The following SEPTIN6 variants were observed in gnomAD, a reference collection of about 807,000 sequenced individuals.
SEPTIN6 encodes the protein septin 6, also known as septin-6.
A neutral mutation model predicts 33.6 loss-of-function variants in SEPTIN6; 8 were observed. The ratio of observed to expected loss-of-function variants is 0.24; its 90% confidence interval spans 0.14 to 0.43. SEPTIN6 has a LOEUF of 0.43. SEPTIN6 is among the 20% of genes least tolerant of loss of function. The pLI, the probability that SEPTIN6 is intolerant of heterozygous loss-of-function variation, is 1.00. For synonymous variants in SEPTIN6, 131 were observed against 140.0 expected (o/e 0.94, Z 0.45); for missense variants, 250 against 340.8 (o/e 0.73, Z 2.10).
At chrX:119,627,791 C>CTTTTTT (rs973249197) in intron 9 of SEPTIN6, among the ~76,000 whole-genome samples, 1 of 73,674 alleles carries the variant, frequency 1.4e-5, no homozygotes, top group African/African-American at 5.0e-5. Flanking sequence ...ATCTGCACTT[C>CTTTTTT]TTTTTTTTTT....
intron 9 of SEPTIN6, among the ~76,000 whole-genome samples, chrX:119,627,955 C>T (rs1472734194): frequency 1.9e-5 from 2 of 107,022 alleles, no homozygotes; most frequent in East Asian, 2.9e-4. Flanking sequence ...CACGCCACCA[C>T]GCCTGGCTAA....
At chrX:119,678,518 C>CA (rs369089822) in intron 1 of SEPTIN6, among the ~76,000 whole-genome samples, 2,285 of 92,995 alleles carry the variant, frequency 0.025, 74 homozygotes, top group African/African-American at 0.082. Flanking sequence ...GACTCCGTCT[C>CA]AAAAAAAAAA....
chrX:119,688,604 G>A (rs1349400230), intron 1 of SEPTIN6, among the ~76,000 whole-genome samples: 1 of 108,694 alleles, frequency 9.2e-6, no homozygotes, highest in Non-Finnish European at 1.9e-5. Flanking sequence ...CTACTCGGGA[G>A]GCTGAGGCAG....
At chrX:119,666,450 G>A (rs2054640826) in intron 2 of SEPTIN6, among the ~76,000 whole-genome samples, 1 of 112,269 alleles carries the variant, frequency 8.9e-6, no homozygotes, top group South Asian at 3.7e-4. Context: ...AATGAGCTAT[G>A]AATGCAGGAG....
At chrX:119,641,617 G>T (rs895438590) in intron 5 of SEPTIN6, among the ~76,000 whole-genome samples, 2 of 112,068 alleles carry the variant, frequency 1.8e-5, no homozygotes, top group African/African-American at 6.5e-5. Flanking sequence ...GGACAAATAG[G>T]TTTATGAGCT....
At chrX:119,690,521 G>A (rs1257297478) in intron 1 of SEPTIN6, among the ~76,000 whole-genome samples, 3 of 108,366 alleles carry the variant, frequency 2.8e-5, no homozygotes, top group Non-Finnish European at 3.8e-5. Context: ...TCAGGAGTTC[G>A]AGACCAGCCT....
intron 1 of SEPTIN6, among the ~76,000 whole-genome samples, chrX:119,691,606 A>G (rs1286903776): frequency 8.9e-6 from 1 of 111,783 alleles, no homozygotes; most frequent in Non-Finnish European, 1.9e-5. Context: ...TAGGGTGTGC[A>G]GGGGGTGGAG....
intron 1 of SEPTIN6, among the ~76,000 whole-genome samples, chrX:119,677,194 C>T (rs1209265516): frequency 8.9e-6 from 1 of 111,864 alleles, no homozygotes; most frequent in African/African-American, 3.2e-5. Flanking sequence ...CCCTAAGGGT[C>T]AGCCAAGCCA....
chrX:119,625,460 G>C (rs1232979618), intron 9 of SEPTIN6, 81 bp from the exon 10 acceptor site: 3 of 940,169 alleles, frequency 3.2e-6, no homozygotes, highest in South Asian at 4.0e-5. Context: ...AACAATGAAG[G>C]GTTAGAGGTC....
intron 10 of SEPTIN6, chrX:119,624,144 G>GTTTTTTTTTTTTT: frequency 4.7e-6 from 1 of 211,641 alleles, no homozygotes; most frequent in Non-Finnish European, 8.7e-6. Context: ...TTTATTATGG[G>GTTTTTTTTTTTTT]TTTTTTTTTT....
In SEPTIN6 at chrX:119,618,165, A is replaced by ATTTTT. The variant is rs57766875; in HGVS notation, c.*1923_*1927dup. ...AGCTACTGGCTGAGTATCTGAGCAG[A>ATTTTT]TTTTTTTTTTTTTTTTTTTGGTCGT... On this transcript the variant is annotated 3_prime_UTR_variant, in exon 11 of 11. Coordinates refer to ENST00000394610, the MANE Select transcript of SEPTIN6 (RefSeq NM_145799.4). The ATTTTT allele has an allele frequency of 1.2e-5, 8 of 686,662 alleles. No individual in the cohort carries two copies. Among genetic ancestry groups the ATTTTT allele is most frequent in the African/African-American group, 2.9e-5 (1 of 34,057 alleles). 56.6% of individuals were successfully genotyped at this position (686,662 alleles called of 1,213,427 possible). A position where few individuals can be genotyped will look rare whatever the true frequency, so the allele number is the denominator to read the frequency against.
In SEPTIN6 at chrX:119,620,176, G is replaced by C. The variant is rs2053725690; in HGVS notation, c.*42-125C>G. On this transcript the variant is annotated intron_variant, in intron 10 of 10. Coordinates refer to ENST00000394610, the MANE Select transcript of SEPTIN6 (RefSeq NM_145799.4). ...AAATTAGAATATAGCTATGTTAGAT[G>C]GTCTTAAGGTCTTATTGCATTGGCT... The C allele has an allele frequency of 5.8e-6, 3 of 518,531 alleles. No homozygotes were observed. The South Asian group carries it at 9.8e-5, about 17-fold the overall frequency. 42.7% of individuals were successfully genotyped at this position (518,531 alleles called of 1,213,427 possible).
chrX:119,656,814 A>C (rs987041857), intron 3 of SEPTIN6, among the ~76,000 whole-genome samples: 2 of 111,852 alleles, frequency 1.8e-5, no homozygotes, highest in Non-Finnish European at 3.8e-5. Context: ...TGAACCGAGG[A>C]GGCGGAGGTT....
At chrX:119,688,661 C>T (rs1043766526) in intron 1 of SEPTIN6, among the ~76,000 whole-genome samples, 2 of 103,936 alleles carry the variant, frequency 1.9e-5, no homozygotes, top group Non-Finnish European at 3.9e-5. Flanking sequence ...GAGCTGAGAT[C>T]GCGCCACTGC....
chrX:119,616,761 G>C, downstream of SEPTIN6: 1 of 1,179,411 alleles, frequency 8.5e-7, no homozygotes, highest in Non-Finnish European at 1.1e-6. Context: ...GAGAGAGAAA[G>C]AGAAAGAAAA....
chrX:119,678,287 G>A (rs1247044742), intron 1 of SEPTIN6, among the ~76,000 whole-genome samples: 1 of 110,483 alleles, frequency 9.1e-6, no homozygotes, highest in Non-Finnish European at 1.9e-5. Flanking sequence ...TTGGGAGGCC[G>A]AGGTGGGCGG....
rs2054375278 is a variant in SEPTIN6, at chrX:119,652,974, G to T, written c.408C>A (p.Ile136=). The change falls in exon 4 of 11, where the codon ATC becomes ATA. Residue 136 remains isoleucine (I), a synonymous_variant. Coordinates refer to ENST00000394610, the MANE Select transcript of SEPTIN6 (RefSeq NM_145799.4). ...CATGGTAGGTGTGTAGCACTCTTCG[G>T]ATCTTTAGCTCTTCCTGCAGGTAGG... is the stretch of plus-strand genomic sequence containing the variant. ...FEAYLQEELK[I]RRVLHTYHDS... 1 of 1,207,563 alleles carries T rather than the reference G, an allele frequency of 8.3e-7. No individual in the cohort carries two copies. Among genetic ancestry groups the T allele is most frequent in the African/African-American group, 1.8e-5 (1 of 56,842 alleles).
rs1004926823 is a variant in SEPTIN6 at position 119,637,084 on chromosome X, C to T, written c.899G>A (p.Arg300His). Reference sequence around the variant, plus strand: ...GAAGCCCATCTCCTCCAGCTTACAGCGGCGATACAGCTCATAGTGCCGGGT... The same window carrying T: ...GAAGCCCATCTCCTCCAGCTTACAGTGGCGATACAGCTCATAGTGCCGGGT... ...THTRHYELYR[R>H]CKLEEMGFKD... The change falls in exon 7 of 11, where the codon CGC becomes CAC. Residue 300 changes from arginine (R) to histidine (H), a missense_variant. Around this residue, in one of 2 missense-constraint regions of SEPTIN6, gnomAD observed 139 missense variants for 227.0 expected, o/e 0.61. Coordinates refer to ENST00000394610, the MANE Select transcript of SEPTIN6 (RefSeq NM_145799.4). The T allele has an allele frequency of 3.3e-6, 4 of 1,209,313 alleles. No homozygotes were observed. Among genetic ancestry groups the T allele is most frequent in the Non-Finnish European group, 4.5e-6 (4 of 894,990 alleles).
intron 3 of SEPTIN6, among the ~76,000 whole-genome samples, chrX:119,662,516 T>C (rs999649310): frequency 1.8e-5 from 2 of 111,795 alleles, no homozygotes; most frequent in South Asian, 3.7e-4. Context: ...ACTCAGTATT[T>C]AGCAAATCTG....
Sources: allele counts gnomAD v4.1 joint callset (sites outside exome capture counted in the v4.1 genomes callset), GRCh38; gene constraint gnomAD v4.1.1; regional missense constraint gnomAD v4.1.1; transcripts MANE v1.5; gene names NCBI Gene and HGNC (gene_info 2026-07-23, HGNC 2026-07-21).